ZNF589: variants seen among roughly 807,000 people sequenced by gnomAD.
The protein encoded by ZNF589 is zinc finger protein 589.
Under a neutral mutation model 13.6 loss-of-function variants are expected in ZNF589, and 17 were observed. The ratio of observed to expected loss-of-function variants is 1.25; its 90% CI spans 0.86 to 1.88. The LOEUF (loss-of-function observed/expected upper bound fraction) is 1.88. ZNF589 is among the 40% of genes most tolerant of loss of function. The pLI is 0.00. For missense variants in ZNF589, 407 were observed against 434.0 expected (o/e 0.94, Z 0.55); for synonymous variants, 148 against 161.6 (o/e 0.92, Z 0.64).
At chr3:48,256,311 C>T in intron 2 of ZNF589, 1 of 474,548 alleles carries the variant, frequency 2.1e-6, no homozygotes. Context: ...CTCCACAGCG[C>T]AGGTGCAGGA....
chr3:48,251,928 A>G (rs960288134), intron 2 of ZNF589, among the ~76,000 whole-genome samples: 1 of 151,922 alleles, frequency 6.6e-6, no homozygotes, highest in African/African-American at 2.4e-5. Context: ...AGTCCCAGCT[A>G]TGTGGGAGGC....
intron 3 of ZNF589, among the ~76,000 whole-genome samples, chr3:48,262,607 G>GT (rs1459946456): frequency 2.0e-5 from 3 of 152,016 alleles, no homozygotes; most frequent in Non-Finnish European, 2.9e-5. Flanking sequence ...TCTCAAAAAA[G>GT]TTTTTTTGCA....
At chr3:48,246,954 C>G (rs995399925) in intron 1 of ZNF589, among the ~76,000 whole-genome samples, 1 of 152,000 alleles carries the variant, frequency 6.6e-6, no homozygotes, top group Non-Finnish European at 1.5e-5. Context: ...AGGCGTGAGC[C>G]ACCGCGCCTG....
At chr3:48,250,237 ATC>A (rs1053310237) in intron 2 of ZNF589, among the ~76,000 whole-genome samples, 2 of 150,816 alleles carry the variant, frequency 1.3e-5, no homozygotes, top group African/African-American at 4.9e-5. Flanking sequence ...CTGTTGACGA[ATC>A]TCTCTCCTGC....
intron 2 of ZNF589, among the ~76,000 whole-genome samples, chr3:48,260,381 C>G (rs1032086667): frequency 6.6e-6 from 1 of 151,894 alleles, no homozygotes; most frequent in Non-Finnish European, 1.5e-5. Context: ...CTCAAGCAAT[C>G]CTCTCATGTC....
chr3:48,262,806 A>C (rs920071809), intron 3 of ZNF589, among the ~76,000 whole-genome samples: 3 of 152,208 alleles, frequency 2.0e-5, no homozygotes, highest in Non-Finnish European at 4.4e-5. Flanking sequence ...GGTAGGTTGT[A>C]AATCAAGAGA....
At chr3:48,252,844 A>AATCTCC (rs1366410123) in intron 2 of ZNF589, among the ~76,000 whole-genome samples, 1 of 150,688 alleles carries the variant, frequency 6.6e-6, no homozygotes, top group East Asian at 2.0e-4. Context: ...GGATGGTCTC[A>AATCTCC]ATCTCCTGAC....
At position 48,267,988 on chromosome 3, in the gene ZNF589, A is replaced by G. The variant is rs368894723; in HGVS notation, c.297A>G (p.Gln99=). The G allele has an allele frequency of 1.1e-5, 18 of 1,613,972 alleles. No individual in the cohort carries two copies. In the African/African-American group the frequency reaches 2.3e-4, roughly 20 times the overall value. Residue 99 remains glutamine (Q), a synonymous_variant, in exon 4 of 4, where the codon CAA becomes CAG. Coordinates refer to ENST00000354698, the MANE Select transcript of ZNF589 (RefSeq NM_016089.3). ...TTGGCAGTCAGCAGTTCCTCAGCCA[A>G]GATGAGCTACACAATCATCCTATTC... ...LAFGSQQFLS[Q]DELHNHPIPG...
At chr3:48,256,854 G>T in intron 2 of ZNF589, 1 of 1,211,174 alleles carries the variant, frequency 8.3e-7, no homozygotes, top group Non-Finnish European at 1.2e-6. Flanking sequence ...GCTGGAAGCT[G>T]AGACCAGCTG....
rs1220607313 is a variant in ZNF589, at chr3:48,253,337, G to A, written c.96+5660G>A. ...TGGGCCACCATGCCCGGCCATCACCGTTAGTATTAATGAACCAATAATAAT... is the reference window on the plus strand; with the variant it reads ...TGGGCCACCATGCCCGGCCATCACCATTAGTATTAATGAACCAATAATAAT... On this transcript the variant is annotated intron_variant, in intron 2 of 3. Transcript: ENST00000354698. Among the ~76,000 whole-genome samples the A allele has an allele frequency of 2.6e-5, 4 of 151,818 alleles. No homozygotes were observed. In the South Asian group the frequency reaches 6.3e-4, roughly 24 times the overall value.
At position 48,268,925 on chromosome 3, in the gene ZNF589, G is replaced by A. The variant is rs2034057062; in HGVS notation, c.*139G>A. The A allele has an allele frequency of 1.6e-6, 2 of 1,244,966 alleles. No homozygotes were observed. Among genetic ancestry groups the A allele is most frequent in the East Asian group, 4.7e-5 (2 of 42,524 alleles). 77.1% of individuals were successfully genotyped at this position (1,244,966 alleles called of 1,614,324 possible). ...CCTCCTACACCAGTGGACACATTCA[G>A]AGGTGAAACCTCACGTGTGTGAGGA... On this transcript the variant is annotated 3_prime_UTR_variant, in exon 4 of 4. Transcript: ENST00000354698.
At chr3:48,245,199 T>A (rs1433017178) in intron 1 of ZNF589, among the ~76,000 whole-genome samples, 1 of 152,012 alleles carries the variant, frequency 6.6e-6, no homozygotes, top group African/African-American at 2.4e-5. Flanking sequence ...ATTGCAACCT[T>A]TGCCTCTGGG....
intron 2 of ZNF589, among the ~76,000 whole-genome samples, chr3:48,249,522 G>A (rs2033813504): frequency 6.6e-6 from 1 of 152,100 alleles, no homozygotes. Context: ...TTTTTCTGAG[G>A]TAAAATGTAC....
chr3:48,259,947 A>G (rs979008324), intron 2 of ZNF589, among the ~76,000 whole-genome samples: 1 of 151,546 alleles, frequency 6.6e-6, no homozygotes, highest in Non-Finnish European at 1.5e-5. Context: ...ATCTAGGGCA[A>G]GTTAGGAGTG....
At chr3:48,244,440 T>TA (rs1284437319) in intron 1 of ZNF589, among the ~76,000 whole-genome samples, 1 of 152,128 alleles carries the variant, frequency 6.6e-6, no homozygotes, top group Admixed American at 6.5e-5. Context: ...TATATATATA[T>TA]TTTTAATTTT....
At chr3:48,252,199 A>AT (rs905007095) in intron 2 of ZNF589, among the ~76,000 whole-genome samples, 11 of 148,502 alleles carry the variant, frequency 7.4e-5, no homozygotes, top group Non-Finnish European at 1.0e-4. Context: ...TATTATTATT[A>AT]TTTTTTTTTT....
At chr3:48,251,773 T>A (rs1247093033) in intron 2 of ZNF589, among the ~76,000 whole-genome samples, 3 of 152,012 alleles carry the variant, frequency 2.0e-5, no homozygotes, top group Non-Finnish European at 4.4e-5. Flanking sequence ...CCAGGCACAG[T>A]GGCTCATACC....
intron 2 of ZNF589, among the ~76,000 whole-genome samples, chr3:48,250,813 G>A (rs1354202048): frequency 6.6e-6 from 1 of 152,106 alleles, no homozygotes; most frequent in African/African-American, 2.4e-5. Flanking sequence ...TTTTGTTCTA[G>A]CCTAGAGCCT....
chr3:48,251,176 G>T (rs1379221379), intron 2 of ZNF589, among the ~76,000 whole-genome samples: 4 of 152,220 alleles, frequency 2.6e-5, no homozygotes, highest in Non-Finnish European at 5.9e-5. Flanking sequence ...TTTTGAGGAT[G>T]TGGCTGTGCT....
Sources: allele counts gnomAD v4.1 joint callset (sites outside exome capture counted in the v4.1 genomes callset), GRCh38; gene constraint gnomAD v4.1.1; transcripts MANE v1.5; gene names NCBI Gene and HGNC (gene_info 2026-07-23, HGNC 2026-07-21).